ASB14: variants seen among roughly 807,000 people sequenced by gnomAD.
ASB14 encodes the protein ankyrin repeat and SOCS box protein 14.
ASB14 carries 63 observed loss-of-function variants against 55.6 expected under a neutral mutation model. That is an observed-to-expected ratio of 1.13 (90% CI 0.92 to 1.40). The LOEUF is 1.40. Among genes scored for constraint, ASB14 ranks in the 40% most tolerant of loss-of-function variants. ASB14 has a pLI of 0.00. For synonymous variants in ASB14, 256 were observed against 259.9 expected, an observed-to-expected ratio of 0.98 and a Z score of 0.15; for missense variants, 724 against 710.4, an observed-to-expected ratio of 1.02 and a Z score of -0.22.
chr3:57,291,128 T>A (rs534820270), intron 2 of ASB14, among the ~76,000 whole-genome samples: 1 of 152,200 alleles, frequency 6.6e-6, no homozygotes, highest in African/African-American at 2.4e-5. Context: ...ACATGACACA[T>A]AGTGATCACT....
At chr3:57,290,463 T>C (rs527930360) in intron 2 of ASB14, among the ~76,000 whole-genome samples, 2 of 152,330 alleles carry the variant, frequency 1.3e-5, no homozygotes, top group Non-Finnish European at 2.9e-5. Context: ...ACACCCCCTA[T>C]CTAAAAGTCA....
chr3:57,273,435 A>G (rs2060961050), intron 10 of ASB14: 1 of 152,632 alleles, frequency 6.6e-6, no homozygotes, highest in Non-Finnish European at 1.5e-5. Context: ...AATGTATAAT[A>G]AAGTCCATGA....
chr3:57,269,212 G>A lies in ASB14; in HGVS notation c.*429C>T, dbSNP rs909164961. 10 of 176,440 alleles carry A rather than the reference G, an allele frequency of 5.7e-5. No homozygotes were observed. Among genetic ancestry groups the A allele is most frequent in the Non-Finnish European group, 9.5e-5 (8 of 84,296 alleles). The allele number at this position is 176,440 out of a possible 1,614,324, so 10.9% of individuals were successfully genotyped here. A position where few individuals can be genotyped will look rare whatever the true frequency, so the allele number is the denominator to read the frequency against. On this transcript the variant is annotated 3_prime_UTR_variant, in exon 11 of 11. Transcript: ENST00000487349. ...GAGAAAAGGGCTGGAGAGGGGAAGG[G>A]AAAGGAGTGTGGGGGTGATCCCTTT... is the stretch of plus-strand genomic sequence containing the variant.
chr3:57,287,808 C>T, intron 5 of ASB14, 93 bp downstream of exon 5: 1 of 1,316,440 alleles, frequency 7.6e-7, no homozygotes, highest in East Asian at 2.5e-5. Context: ...AGTGACAGTG[C>T]TGCAACTATG....
chr3:57,281,092 C>G (rs958758300), intron 6 of ASB14, among the ~76,000 whole-genome samples: 6 of 152,152 alleles, frequency 3.9e-5, no homozygotes, highest in Admixed American at 6.5e-5. Flanking sequence ...ACTACACTTA[C>G]AAGTTGCATT....
At chr3:57,281,132 G>A (rs574697473) in intron 6 of ASB14, among the ~76,000 whole-genome samples, 6 of 152,242 alleles carry the variant, frequency 3.9e-5, no homozygotes, top group South Asian at 2.1e-4. Context: ...CCAGAAATCC[G>A]AAATCTGAAA....
chr3:57,277,845 C>A lies in ASB14; in HGVS notation c.1507G>T (p.Asp503Tyr). The change falls in exon 9 of 11, where the codon GAT (aspartate) becomes TAT (tyrosine). Residue 503 changes from aspartate (D) to tyrosine (Y), a missense_variant. By Grantham distance (160) the Asp-to-Tyr change is radical (BLOSUM62 -3). Transcript: ENST00000487349. ...AACTTTGAACAGATCCGAACTTGATCAACATAATCAAGCATCACTCGAACA... is the reference window on the plus strand; with the variant it reads ...AACTTTGAACAGATCCGAACTTGATAAACATAATCAAGCATCACTCGAACA... The part of the protein sequence containing the change: ...KVVRVMLDYV[D>Y]QVRICSKLKA... 6.2e-7 allele frequency: 1 copy of A among 1,613,612 alleles called. No homozygotes were observed. The highest frequency in any genetic ancestry group is 8.5e-7 in the Non-Finnish European group (1 of 1,179,580).
intron 2 of ASB14, among the ~76,000 whole-genome samples, chr3:57,291,367 G>GCTTGACTGCAGACTGC (rs2307887): frequency 0.66 from 100,474 of 151,932 alleles, 33,476 homozygotes; most frequent in East Asian, 0.92. Flanking sequence ...GAGCAGGTGT[G>GCTTGACTGCAGACTGC]CCATATCCAG....
At chr3:57,286,125 C>G (rs1050078730) in intron 5 of ASB14, among the ~76,000 whole-genome samples, 9 of 152,248 alleles carry the variant, frequency 5.9e-5, no homozygotes, top group African/African-American at 2.2e-4. Flanking sequence ...TATTCACCAC[C>G]AATTACTTCA....
intron 2 of ASB14, among the ~76,000 whole-genome samples, chr3:57,290,081 T>A (rs1425388555): frequency 2.6e-5 from 4 of 152,236 alleles, no homozygotes; most frequent in African/African-American, 9.6e-5. Flanking sequence ...AGTATTGTGT[T>A]AGTTTTCTAT....
intron 7 of ASB14, 87 bp from the exon 8 acceptor site, chr3:57,279,007 T>TA: frequency 7.9e-7 from 1 of 1,271,200 alleles, no homozygotes; most frequent in South Asian, 1.4e-5. Flanking sequence ...CAATACTAGA[T>TA]AGTATCAGTA....
intron 5 of ASB14, among the ~76,000 whole-genome samples, chr3:57,285,081 C>T (rs917781609): frequency 6.6e-6 from 1 of 151,764 alleles, no homozygotes; most frequent in African/African-American, 2.4e-5. Flanking sequence ...GCTGGGATTA[C>T]AGGTGCCTGC....
intron 2 of ASB14, among the ~76,000 whole-genome samples, chr3:57,291,551 ATAAC>A (rs1365711439): frequency 8.5e-5 from 13 of 152,340 alleles, no homozygotes; most frequent in South Asian, 4.1e-4. Flanking sequence ...AAGGTTGAAG[ATAAC>A]TAACTTTCTA....
chr3:57,268,625 A>G lies in ASB14; in HGVS notation c.*1016T>C, dbSNP rs2060911959. ...ACTTCATAAACAGATGATTCATACC[A>G]TAGCAGAAAAGGGTCACATCTGTTT... On this transcript the variant is annotated 3_prime_UTR_variant, in exon 11 of 11. Coordinates refer to ENST00000487349, the MANE Select transcript of ASB14 (RefSeq NM_001142733.3). 1.0e-6 allele frequency: 1 copy of G among 960,338 alleles called. No homozygotes were observed. Among genetic ancestry groups the G allele is most frequent in the Non-Finnish European group, 1.4e-6 (1 of 695,190 alleles). 59.5% of individuals were successfully genotyped at this position (960,338 alleles called of 1,614,324 possible).
At chr3:57,288,996 G>T in intron 3 of ASB14, 72 bp downstream of exon 3, 2 of 1,211,722 alleles carry the variant, frequency 1.7e-6, no homozygotes, top group Non-Finnish European at 2.3e-6. Flanking sequence ...GGGATTACAG[G>T]CGTGAGCCAC....
chr3:57,283,056 T>G lies in ASB14; in HGVS notation c.715+138A>C, dbSNP rs988078506. On this transcript the variant is annotated intron_variant, in intron 6 of 10. Transcript: ENST00000487349. ...TTATGTTAGGCTTCTCAGTAATCAC[T>G]ATTAACCCATAATTTTTATCAAACA... The G allele has an allele frequency of 3.2e-6, 4 of 1,247,796 alleles. No individual in the cohort carries two copies. The African/African-American group carries it at 6.1e-5, about 19-fold the overall frequency. The allele number at this position is 1,247,796 out of a possible 1,614,324, so 77.3% of individuals were successfully genotyped here. A position where few individuals can be genotyped will look rare whatever the true frequency, so the allele number is the denominator to read the frequency against.
At chr3:57,273,632 G>A (rs1487965006) in intron 10 of ASB14, among the ~76,000 whole-genome samples, 1 of 151,724 alleles carries the variant, frequency 6.6e-6, no homozygotes, top group Admixed American at 6.6e-5. Flanking sequence ...GGAAAAGTTT[G>A]TTATAGAAGC....
chr3:57,274,088 TA>T (rs1002625863), intron 10 of ASB14, among the ~76,000 whole-genome samples: 5 of 152,110 alleles, frequency 3.3e-5, no homozygotes, highest in East Asian at 1.9e-4. Context: ...TTTTTTAATG[TA>T]AAAAAACTAT....
chr3:57,276,460 G>A, intron 10 of ASB14, 68 bp downstream of exon 10: 2 of 1,189,994 alleles, frequency 1.7e-6, no homozygotes, highest in Admixed American at 2.5e-5. Flanking sequence ...ATTTTAGTTG[G>A]TGGGTAAAGC....
Sources: gnomAD v4.1 joint callset for allele counts (sites outside exome capture counted in the v4.1 genomes callset) on GRCh38, gnomAD v4.1.1 for gene constraint, MANE v1.5 for transcripts, NCBI Gene and HGNC (gene_info 2026-07-23, HGNC 2026-07-21) for gene names.